Variants in MINK1 observed in about 807,000 individuals in gnomAD.
MINK1 encodes misshapen like kinase 1.
In MINK1, 46 loss-of-function variants were observed where a neutral mutation model predicts 178.4. The ratio of observed to expected loss-of-function variants is 0.26; its 90% confidence interval spans 0.20 to 0.33. The LOEUF is 0.33. Among genes scored for constraint, MINK1 ranks in the 10% least tolerant of loss-of-function variants. The probability of loss-of-function intolerance (pLI) is 1.00; values close to 1 mark genes in which losing one functional copy is unlikely to be tolerated. For synonymous variants in MINK1, 797 were observed against 709.7 expected (o/e 1.12, Z -1.96); for missense variants, 1,366 against 1,814.9 (o/e 0.75, Z 4.49).
At chr17:4,881,302 T>C in intron 4 of MINK1, 45 bp downstream of exon 4, 1 of 1,528,770 alleles carries the variant, frequency 6.5e-7, no homozygotes, top group Non-Finnish European at 8.8e-7. Context: ...GCAATCCCTG[T>C]CTCCGGGCTG....
rs1969611314 is a variant in MINK1, at chr17:4,897,109, C to T, written c.3916-95C>T. The T allele has an allele frequency of 5.7e-5, 63 of 1,107,074 alleles. 1 individual carries two copies. The South Asian group carries it at 8.6e-4, about 15-fold the overall frequency. The allele number at this position is 1,107,074 out of a possible 1,614,324, so 68.6% of individuals were successfully genotyped here. A position where few individuals can be genotyped will look rare whatever the true frequency, so the allele number is the denominator to read the frequency against. ...CCTGCAGTCTCTGTGTCTCCCTCAA[C>T]TCTTCTGCCACCCCTTCTTCCCTTC... is the stretch of plus-strand genomic sequence containing the variant. On this transcript the variant is annotated intron_variant, in intron 31 of 31. Transcript: ENST00000355280.
intron 4 of MINK1, among the ~76,000 whole-genome samples, chr17:4,883,672 C>CATGT (rs1367958645): frequency 6.7e-6 from 1 of 150,328 alleles, no homozygotes; most frequent in Non-Finnish European, 1.5e-5. Context: ...GCTGGGACTA[C>CATGT]AGGAGCCCGC....
chr17:4,884,451 A>G lies in MINK1; in HGVS notation c.395A>G (p.Tyr132Cys), dbSNP rs1968012866. The stretch of plus-strand genomic sequence containing the variant: ...GCCCTGAAGGAGGACTGTATCGCCT[A>G]TATCTGCAGGGAGATCCTCAGGGTG... ...GNALKEDCIA[Y>C]ICREILRGLA... is the part of the protein sequence containing the mutation. The change falls in exon 5 of 32, where the codon TAT becomes TGT. Residue 132 changes from tyrosine (Y) to cysteine (C), a missense_variant. Tyr to Cys is a radical substitution (Grantham distance 194). This residue lies in a region of MINK1 where 109 missense variants were observed against 369.4 expected (regional missense o/e 0.30). Transcript: ENST00000355280. 2 of 1,613,592 alleles carry G rather than the reference A, an allele frequency of 1.2e-6. No homozygotes were observed. The highest frequency in any genetic ancestry group is 1.7e-5 in the Admixed American group (1 of 59,990).
At chr17:4,847,070 C>T in intron 1 of MINK1, 1 of 436,996 alleles carries the variant, frequency 2.3e-6, no homozygotes, top group Admixed American at 2.5e-5. Context: ...GTCCTGGCCT[C>T]ATAACCTCCT....
At chr17:4,861,189 C>G (rs560144290) in intron 1 of MINK1, among the ~76,000 whole-genome samples, 7 of 152,184 alleles carry the variant, frequency 4.6e-5, no homozygotes, top group Non-Finnish European at 7.3e-5. Context: ...CCTAGTGAGG[C>G]GAGTGCAGTG....
At chr17:4,875,253 C>A in intron 1 of MINK1, 1 of 505,520 alleles carries the variant, frequency 2.0e-6, no homozygotes, top group South Asian at 1.4e-5. Context: ...CTCTTGTTAG[C>A]CCCCTGCACT....
intron 4 of MINK1, among the ~76,000 whole-genome samples, chr17:4,881,469 G>T (rs1967695693): frequency 6.6e-6 from 1 of 152,146 alleles, no homozygotes; most frequent in South Asian, 2.1e-4. Context: ...CTCATCCTTT[G>T]AGTGTTTTGT....
intron 1 of MINK1, among the ~76,000 whole-genome samples, chr17:4,853,316 GA>G (rs1332153051): frequency 2.2e-5 from 2 of 91,224 alleles, no homozygotes; most frequent in African/African-American, 4.4e-5. Flanking sequence ...TGGTTGGTGG[GA>G]AGAGTGTGGT....
chr17:4,864,142 G>A (rs895475812), intron 1 of MINK1, among the ~76,000 whole-genome samples: 1 of 151,778 alleles, frequency 6.6e-6, no homozygotes, highest in East Asian at 2.0e-4. Context: ...GCTCATGCCT[G>A]TAATCCCGGC....
chr17:4,833,402 A>C lies in MINK1; in HGVS notation c.-182A>C. ...TAGGCTCGGGTGGCTGGCTCCGGGG[A>C]GATAGCGCCTGTCAGTCGGTGGGTC... is the stretch of plus-strand genomic sequence containing the variant. On this transcript the variant is annotated 5_prime_UTR_variant, in exon 1 of 32. Transcript: ENST00000355280. The surrounding 1 kb of genome is among the most constrained non-coding windows in gnomAD (Gnocchi z 4.8). 2 of 503,950 alleles carry C rather than the reference A, an allele frequency of 4.0e-6. No homozygotes were observed. The highest frequency in any genetic ancestry group is 7.0e-6 in the Non-Finnish European group (2 of 287,484). 31.2% of individuals were successfully genotyped at this position (503,950 alleles called of 1,614,324 possible). A position where few individuals can be genotyped will look rare whatever the true frequency, so the allele number is the denominator to read the frequency against.
intron 2 of MINK1, 41 bp from the exon 3 acceptor site, chr17:4,880,943 T>C: frequency 6.9e-7 from 1 of 1,447,690 alleles, no homozygotes; most frequent in South Asian, 1.4e-5. Flanking sequence ...CTCTCTACGC[T>C]CCACCCTCTG....
chr17:4,859,422 T>A, intron 1 of MINK1: 3 of 618,502 alleles, frequency 4.9e-6, no homozygotes, highest in Non-Finnish European at 6.1e-6. Flanking sequence ...CTCAGGATGT[T>A]AATTCTGTTC....
chr17:4,865,330 A>G (rs1034841300), intron 1 of MINK1, among the ~76,000 whole-genome samples: 1 of 152,042 alleles, frequency 6.6e-6, no homozygotes, highest in Non-Finnish European at 1.5e-5. Flanking sequence ...GCTACTTGGG[A>G]GGCTGAGGCA....
intron 1 of MINK1, among the ~76,000 whole-genome samples, chr17:4,871,482 G>A (rs571195031): frequency 4.6e-5 from 7 of 151,686 alleles, no homozygotes; most frequent in Non-Finnish European, 1.0e-4. Flanking sequence ...AAAGTGCTGG[G>A]GTTATAGACA....
chr17:4,885,007 G>A lies in MINK1; in HGVS notation c.508+5G>A, dbSNP rs775034039. ...AGAATGCTGAGGTCAAGCTAGGTGC[G>A]CCGGCTCCTTCTGAGGCTGACGAGG... On this transcript the variant is annotated splice_donor_5th_base_variant and intron_variant, in intron 6 of 31. Coordinates refer to ENST00000355280, the MANE Select transcript of MINK1 (RefSeq NM_153827.5). The surrounding 1 kb of genome is among the most constrained non-coding windows in gnomAD (Gnocchi z 5.0). 3.1e-6 allele frequency: 5 copies of A among 1,613,648 alleles called. No homozygotes were observed. The highest frequency in any genetic ancestry group is 4.2e-6 in the Non-Finnish European group (5 of 1,179,722).
chr17:4,895,245 A>G lies in MINK1; in HGVS notation c.3085+3A>G. 6.2e-7 allele frequency: 1 copy of G among 1,614,006 alleles called. No individual in the cohort carries two copies. Among genetic ancestry groups the G allele is most frequent in the Non-Finnish European group, 8.5e-7 (1 of 1,179,932 alleles). On this transcript the variant is annotated splice_donor_region_variant and intron_variant, in intron 25 of 31. Transcript: ENST00000355280. The surrounding 1 kb of genome is among the most constrained non-coding windows in gnomAD (Gnocchi z 4.3). The stretch of plus-strand genomic sequence containing the variant: ...GATCCTCTGTGCAGCCCTTTGGGGT[A>G]AGCCAGGGCAGGGACAGCTGAGGAG...
intron 4 of MINK1, chr17:4,882,835 C>T (rs1241136748): frequency 6.6e-6 from 1 of 152,060 alleles, no homozygotes; most frequent in Non-Finnish European, 1.5e-5. Context: ...AAATGTAAAA[C>T]CCAGGCCAGA....
At chr17:4,865,029 G>C (rs576070639) in intron 1 of MINK1, among the ~76,000 whole-genome samples, 2 of 152,218 alleles carry the variant, frequency 1.3e-5, no homozygotes, top group South Asian at 4.1e-4. Context: ...CTCCTTTTTG[G>C]TCCAAGAGAC....
rs550937379 is a variant in MINK1 at position 4,875,564 on chromosome 17, A to G, written c.58-2753A>G. 5.8e-5 allele frequency: 26 copies of G among 444,912 alleles called. No individual in the cohort carries two copies. The Admixed American group carries it at 6.3e-4, about 11-fold the overall frequency. 27.6% of individuals were successfully genotyped at this position (444,912 alleles called of 1,614,324 possible). A position where few individuals can be genotyped will look rare whatever the true frequency, so the allele number is the denominator to read the frequency against. On this transcript the variant is annotated intron_variant, in intron 1 of 31. Coordinates refer to ENST00000355280, the MANE Select transcript of MINK1 (RefSeq NM_153827.5). ...GAGGTGGGTGGATCACCTGAGGTCA[A>G]GAGTTTGAGACCAGTCTGACCAACA...
Sources: allele counts gnomAD v4.1 joint callset (sites outside exome capture counted in the v4.1 genomes callset), GRCh38; gene constraint gnomAD v4.1.1; regional missense constraint gnomAD v4.1.1; non-coding constraint Gnocchi (gnomAD v3.1); transcripts MANE v1.5; gene names NCBI Gene and HGNC (gene_info 2026-07-23, HGNC 2026-07-21).